The following TRPS1 variants were observed in gnomAD, a reference collection of about 807,000 sequenced individuals.
The protein encoded by TRPS1 is zinc finger transcription factor Trps1.
In TRPS1, 6 loss-of-function variants were observed where a neutral mutation model predicts 101.2. The observed-to-expected ratio is 0.06, with a 90% CI of 0.03 to 0.12. TRPS1 has a LOEUF of 0.12. TRPS1 is among the 10% of genes least tolerant of loss of function. The probability of loss-of-function intolerance (pLI) is 1.00; values close to 1 mark genes in which losing one functional copy is unlikely to be tolerated. For synonymous variants in TRPS1, 578 were observed against 589.8 expected, an observed-to-expected ratio of 0.98 and a Z score of 0.29; for missense variants, 1,363 against 1,567.0, an observed-to-expected ratio of 0.87 and a Z score of 2.20.
intron 5 of TRPS1, among the ~76,000 whole-genome samples, chr8:115,539,783 G>A (rs904844915): frequency 5.3e-5 from 8 of 152,154 alleles, no homozygotes; most frequent in Non-Finnish European, 1.0e-4. Context: ...GCTTGAGCCC[G>A]GGAGGCAGAG....
At chr8:115,435,378 A>G (rs1813422355) in intron 5 of TRPS1, among the ~76,000 whole-genome samples, 1 of 152,218 alleles carries the variant, frequency 6.6e-6, no homozygotes, top group Non-Finnish European at 1.5e-5. Context: ...GGCATGAGTG[A>G]CTGATCGAAA....
rs1161916592 is a variant in TRPS1, at chr8:115,533,436, GTTTTTTT to G, written c.2700+53558_2700+53564del. Reference sequence around the variant, plus strand: ...GGGGCCCGCTTCCCACATGTAATCTGTTTTTTTTTTTTTTTTTTTTTTTCCTGAAAAA... The same window carrying G: ...GGGGCCCGCTTCCCACATGTAATCTGTTTTTTTTTTTTTTTTCCTGAAAAA... On this transcript the variant is annotated intron_variant, in intron 5 of 6. Transcript: ENST00000395715. 7.7e-4 allele frequency among the ~76,000 whole-genome samples: 27 copies of G among 35,002 alleles called. 1 individual carries two copies. Among genetic ancestry groups the G allele is most frequent in the African/African-American group, 2.5e-3 (24 of 9,628 alleles). 23.0% of individuals were successfully genotyped at this position (35,002 alleles called of 152,430 possible).
chr8:115,500,932 G>A (rs1392360033), intron 5 of TRPS1, among the ~76,000 whole-genome samples: 1 of 152,112 alleles, frequency 6.6e-6, no homozygotes, highest in African/African-American at 2.4e-5. Context: ...ACAATGATAA[G>A]GAATCTCAAA....
chr8:115,585,977 A>C (rs139258385), intron 5 of TRPS1, among the ~76,000 whole-genome samples: 2 of 152,358 alleles, frequency 1.3e-5, no homozygotes, highest in Non-Finnish European at 2.9e-5. Flanking sequence ...AGAGCAGCCA[A>C]GCAGACATTG....
chr8:115,558,747 A>G (rs556187119), intron 5 of TRPS1, among the ~76,000 whole-genome samples: 2 of 152,296 alleles, frequency 1.3e-5, no homozygotes, highest in South Asian at 4.1e-4. Context: ...GACAAATTGC[A>G]TACGCTTTTG....
chr8:115,522,133 G>A (rs948669018), intron 5 of TRPS1, among the ~76,000 whole-genome samples: 5 of 151,852 alleles, frequency 3.3e-5, no homozygotes, highest in African/African-American at 9.7e-5. Context: ...GAATTTCTAC[G>A]TAAGATAGGG....
Position 115,411,398 on chromosome 8 carries a change from C to G in TRPS1, c.*2625G>C, listed in dbSNP as rs1812786654. ...GAGTAGTTTTGCCCAAAAAGTAATA[C>G]TTGTCATATTGCCCAAGTTAACCAA... On this transcript the variant is annotated 3_prime_UTR_variant, in exon 7 of 7. Coordinates refer to ENST00000395715, the MANE Select transcript of TRPS1 (RefSeq NM_014112.5). 6.6e-6 allele frequency: 1 copy of G among 152,300 alleles called. No individual in the cohort carries two copies. The highest frequency in any genetic ancestry group is 1.5e-5 in the Non-Finnish European group (1 of 67,970). 9.4% of individuals were successfully genotyped at this position (152,300 alleles called of 1,614,324 possible). A position where few individuals can be genotyped will look rare whatever the true frequency, so the allele number is the denominator to read the frequency against.
chr8:115,432,819 T>C (rs921159028), intron 5 of TRPS1, among the ~76,000 whole-genome samples: 2 of 152,018 alleles, frequency 1.3e-5, no homozygotes, highest in African/African-American at 4.8e-5. Context: ...CTTTCAGGAT[T>C]TGACCTTCCT....
At chr8:115,563,225 C>A (rs1487966123) in intron 5 of TRPS1, among the ~76,000 whole-genome samples, 1 of 151,878 alleles carries the variant, frequency 6.6e-6, no homozygotes, top group Non-Finnish European at 1.5e-5. Context: ...TCGGAAGTGG[C>A]GGGTGAGGGT....
At chr8:115,510,269 T>G (rs1052027512) in intron 5 of TRPS1, among the ~76,000 whole-genome samples, 1 of 152,098 alleles carries the variant, frequency 6.6e-6, no homozygotes, top group Non-Finnish European at 1.5e-5. Context: ...TGTATAGCCA[T>G]ATAAACATAT....
At chr8:115,646,488 A>G (rs1819027406) in intron 1 of TRPS1, among the ~76,000 whole-genome samples, 1 of 152,208 alleles carries the variant, frequency 6.6e-6, no homozygotes, top group South Asian at 2.1e-4. Context: ...AAAAGAGGTC[A>G]AAGTGCTCAA....
intron 5 of TRPS1, among the ~76,000 whole-genome samples, chr8:115,532,233 A>T (rs1274030090): frequency 7.8e-6 from 1 of 128,604 alleles, no homozygotes; most frequent in Non-Finnish European, 1.6e-5. Flanking sequence ...AATGGAATGA[A>T]ATCAGAGCGC....
chr8:115,576,557 T>C (rs1217907428), intron 5 of TRPS1, among the ~76,000 whole-genome samples: 3 of 152,112 alleles, frequency 2.0e-5, no homozygotes, highest in Non-Finnish European at 2.9e-5. Context: ...GTCACACGGC[T>C]AGTTAGTCAC....
At chr8:115,624,619 C>A (rs963070349) in intron 1 of TRPS1, among the ~76,000 whole-genome samples, 1 of 151,880 alleles carries the variant, frequency 6.6e-6, no homozygotes, top group Admixed American at 6.6e-5. Flanking sequence ...TCTTAATTAA[C>A]CGTATTTCCT....
rs1257173077 is a variant in TRPS1 at position 115,619,790 on chromosome 8, C to A, written c.308G>T (p.Ser103Ile). The change falls in exon 3 of 7, where the codon AGC (serine) becomes ATC (isoleucine). Residue 103 changes from serine (S) to isoleucine (I), a missense_variant. Ser to Ile is a moderately radical substitution (Grantham distance 142). Coordinates refer to ENST00000395715, the MANE Select transcript of TRPS1 (RefSeq NM_014112.5). Reference protein sequence around the residue: ...LSEKAGFNYESPSKGGNFPSF... With the variant: ...LSEKAGFNYEIPSKGGNFPSF... ...GGGAAAGTTTCCTCCCTTACTGGGG[C>A]TTTCATAATTGAAGCCAGCCTTCTC... The A allele has an allele frequency of 4.3e-6, 7 of 1,614,088 alleles. No individual in the cohort carries two copies. The highest frequency in any genetic ancestry group is 1.7e-5 in the Admixed American group (1 of 60,004).
chr8:115,532,256 T>A (rs1816152187), intron 5 of TRPS1, among the ~76,000 whole-genome samples: 1 of 152,208 alleles, frequency 6.6e-6, no homozygotes, highest in South Asian at 2.1e-4. Flanking sequence ...TTTTTTTTTT[T>A]TACCATACAT....
At chr8:115,526,548 T>C (rs1016287118) in intron 5 of TRPS1, among the ~76,000 whole-genome samples, 6 of 152,132 alleles carry the variant, frequency 3.9e-5, no homozygotes, top group Admixed American at 6.6e-5. Context: ...ACAAAAATGT[T>C]AGAAAGGGAC....
rs1246749077 is a variant in TRPS1 at position 115,515,305 on chromosome 8, G to C, written c.2700+71696C>G. On this transcript the variant is annotated intron_variant, in intron 5 of 6. Transcript: ENST00000395715. ...AAACCTAATGCAGTAACACGAAGAA[G>C]TACAGTAAAAAAGTTAGAATTAGCT... 4.3e-6 allele frequency: 3 copies of C among 695,586 alleles called. No individual in the cohort carries two copies. In the South Asian group the frequency reaches 4.5e-5, roughly 10 times the overall value. 43.1% of individuals were successfully genotyped at this position (695,586 alleles called of 1,614,324 possible).
rs1812848327 is a variant in TRPS1 at position 115,413,952 on chromosome 8, A to G, written c.*71T>C. ...AAGTATTTTTTTAATAGGTCTTCAT[A>G]AGACATTACAAGCTATTGAATTCCC... On this transcript the variant is annotated 3_prime_UTR_variant, in exon 7 of 7. Transcript: ENST00000395715. The G allele has an allele frequency of 2.0e-6, 3 of 1,488,302 alleles. No homozygotes were observed. Among genetic ancestry groups the G allele is most frequent in the South Asian group, 2.4e-5 (2 of 82,482 alleles). The allele number at this position is 1,488,302 out of a possible 1,614,324, so 92.2% of individuals were successfully genotyped here.
Sources: gnomAD v4.1 joint callset for allele counts (sites outside exome capture counted in the v4.1 genomes callset) on GRCh38, gnomAD v4.1.1 for gene constraint, MANE v1.5 for transcripts, NCBI Gene and HGNC (gene_info 2026-07-23, HGNC 2026-07-21) for gene names.